The following ELMO1 variants were observed in gnomAD, a reference collection of about 807,000 sequenced individuals.
ELMO1 encodes engulfment and cell motility protein 1.
ELMO1 carries 26 observed loss-of-function variants against 98.9 expected under a neutral mutation model. The ratio of observed to expected loss-of-function variants is 0.26; its 90% confidence interval spans 0.19 to 0.36. The LOEUF (loss-of-function observed/expected upper bound fraction) is 0.36. ELMO1 is among the 10% of genes least tolerant of loss of function. ELMO1 has a pLI of 1.00. For synonymous variants in ELMO1, 346 were observed against 346.0 expected (o/e 1.00, Z 0.00); for missense variants, 627 against 935.2 (o/e 0.67, Z 4.30).
At chr7:36,974,212 T>G (rs1584462867) in intron 16 of ELMO1, among the ~76,000 whole-genome samples, 1 of 152,210 alleles carries the variant, frequency 6.6e-6, no homozygotes, top group Admixed American at 6.5e-5. Context: ...CTGAGTCTGG[T>G]GGGGATGTGG....
intron 13 of ELMO1, among the ~76,000 whole-genome samples, chr7:37,161,079 G>C (rs1789171065): frequency 2.0e-5 from 3 of 152,166 alleles, no homozygotes; most frequent in African/African-American, 7.2e-5. Context: ...AAAATGCTGT[G>C]AACAGGACCC....
chr7:37,105,414 G>A (rs1181994699), intron 14 of ELMO1, among the ~76,000 whole-genome samples: 1 of 152,134 alleles, frequency 6.6e-6, no homozygotes, highest in African/African-American at 2.4e-5. Flanking sequence ...TGTGTTCCTG[G>A]CCCCAAGGAT....
chr7:36,934,808 A>T (rs1192460461), intron 16 of ELMO1, among the ~76,000 whole-genome samples: 1 of 152,218 alleles, frequency 6.6e-6, no homozygotes, highest in Admixed American at 6.5e-5. Context: ...AGAAAAATGC[A>T]CAGAAGGAGT....
At chr7:37,084,834 C>A (rs1182579043) in intron 15 of ELMO1, among the ~76,000 whole-genome samples, 1 of 151,388 alleles carries the variant, frequency 6.6e-6, no homozygotes, top group Non-Finnish European at 1.5e-5. Context: ...TTGGCTCACT[C>A]CAACCTCTGC....
intron 7 of ELMO1, 55 bp downstream of exon 7, chr7:37,244,301 T>C (rs1254123564): frequency 1.3e-6 from 2 of 1,579,546 alleles, no homozygotes; most frequent in Admixed American, 1.8e-5. Flanking sequence ...GGCTCAATTA[T>C]GCAGGAAAGT....
chr7:37,353,133 GGT>G (rs1289050716), intron 1 of ELMO1: 6 of 152,146 alleles, frequency 3.9e-5, no homozygotes, highest in African/African-American at 4.8e-5. Context: ...CTATGGTCTG[GGT>G]AAAGAACTAG....
intron 1 of ELMO1, among the ~76,000 whole-genome samples, chr7:37,364,027 A>G (rs576921352): frequency 2.0e-5 from 3 of 152,256 alleles, no homozygotes; most frequent in African/African-American, 7.2e-5. Context: ...CCCTCTCTCA[A>G]TTCATTTCTG....
At chr7:37,368,044 G>C (rs1044091043) in intron 1 of ELMO1, among the ~76,000 whole-genome samples, 3 of 152,118 alleles carry the variant, frequency 2.0e-5, no homozygotes, top group Admixed American at 6.5e-5. Context: ...CTTCCTAAAG[G>C]ATATCTACAG....
intron 16 of ELMO1, among the ~76,000 whole-genome samples, chr7:36,971,293 A>T (rs1179266609): frequency 6.6e-6 from 1 of 152,230 alleles, no homozygotes; most frequent in Non-Finnish European, 1.5e-5. Context: ...GCAGGTGGTG[A>T]TAATTAAATT....
chr7:37,108,317 C>T (rs1322066024), intron 14 of ELMO1, among the ~76,000 whole-genome samples: 5 of 152,264 alleles, frequency 3.3e-5, no homozygotes, highest in East Asian at 3.9e-4. Context: ...ACTGCCTCCC[C>T]GACACCCCTC....
At chr7:37,063,974 A>G (rs541931499) in intron 15 of ELMO1, among the ~76,000 whole-genome samples, 2 of 152,154 alleles carry the variant, frequency 1.3e-5, no homozygotes, top group East Asian at 3.9e-4. Flanking sequence ...CAAATTGCCT[A>G]AATTCCTAAA....
chr7:36,964,373 T>C (rs768107814), intron 16 of ELMO1, among the ~76,000 whole-genome samples: 1 of 152,182 alleles, frequency 6.6e-6, no homozygotes, highest in Non-Finnish European at 1.5e-5. Flanking sequence ...GTAAAGTATA[T>C]TTTATAATAA....
At chr7:37,196,101 A>C (rs1791948591) in intron 13 of ELMO1, among the ~76,000 whole-genome samples, 1 of 152,212 alleles carries the variant, frequency 6.6e-6, no homozygotes, top group Non-Finnish European at 1.5e-5. Context: ...CAAGGTCATC[A>C]ACAAATGAAC....
intron 16 of ELMO1, among the ~76,000 whole-genome samples, chr7:37,000,536 TC>T (rs1304962916): frequency 6.6e-6 from 1 of 152,054 alleles, no homozygotes. Flanking sequence ...ATGCATTTTT[TC>T]CCCCCAATTT....
intron 5 of ELMO1, among the ~76,000 whole-genome samples, chr7:37,267,876 T>C (rs1005466220): frequency 1.1e-4 from 16 of 152,202 alleles, no homozygotes; most frequent in Admixed American, 9.2e-4. Flanking sequence ...TTTTCCAATG[T>C]TGTTTTTGAC....
chr7:36,971,597 A>T (rs1484017513), intron 16 of ELMO1, among the ~76,000 whole-genome samples: 1 of 152,230 alleles, frequency 6.6e-6, no homozygotes, highest in African/African-American at 2.4e-5. Context: ...GATTCAGAAA[A>T]GCAGTATTAC....
intron 16 of ELMO1, among the ~76,000 whole-genome samples, chr7:36,918,307 A>G (rs1305410861): frequency 6.6e-6 from 1 of 152,228 alleles, no homozygotes; most frequent in Non-Finnish European, 1.5e-5. Context: ...GCAATGTAGG[A>G]GGTGCTCAAC....
At chr7:37,396,807 TA>T (rs1372095179) in intron 1 of ELMO1, among the ~76,000 whole-genome samples, 2 of 152,216 alleles carry the variant, frequency 1.3e-5, no homozygotes, top group Non-Finnish European at 2.9e-5. Context: ...TAGATGCATA[TA>T]TTTTTCCTTT....
chr7:37,240,662 G>T, intron 7 of ELMO1, among the ~76,000 whole-genome samples: 1 of 151,432 alleles, frequency 6.6e-6, no homozygotes. Context: ...CACAAATTTG[G>T]GTATGTTGTA....
Sources: gnomAD v4.1 joint callset for allele counts (sites outside exome capture counted in the v4.1 genomes callset) on GRCh38, gnomAD v4.1.1 for gene constraint, MANE v1.5 for transcripts, NCBI Gene and HGNC (gene_info 2026-07-23, HGNC 2026-07-21) for gene names.